LRCH3: variants seen among roughly 807,000 people sequenced by gnomAD.
The protein encoded by LRCH3 is DISP complex protein LRCH3.
In LRCH3, 68 loss-of-function variants were observed where a neutral mutation model predicts 104.5. The ratio of observed to expected loss-of-function variants is 0.65; its 90% CI spans 0.54 to 0.80. The LOEUF (loss-of-function observed/expected upper bound fraction) is 0.80. Ranked by LOEUF, LRCH3 falls within the 30% of genes least tolerant of loss-of-function variation. The pLI is 0.00. For missense variants in LRCH3, 951 were observed against 953.9 expected (o/e 1.00, Z 0.04); for synonymous variants, 344 against 361.3 (o/e 0.95, Z 0.54).
intron 9 of LRCH3, among the ~76,000 whole-genome samples, chr3:197,836,028 A>G (rs1423843394): frequency 6.6e-6 from 1 of 152,210 alleles, no homozygotes; most frequent in African/African-American, 2.4e-5. Flanking sequence ...TTATTTTTCA[A>G]ACAAGAAGAA....
intron 9 of LRCH3, among the ~76,000 whole-genome samples, chr3:197,838,945 G>A (rs757166917): frequency 2.0e-5 from 3 of 152,184 alleles, no homozygotes; most frequent in African/African-American, 4.8e-5. Context: ...CTGAGCAAAT[G>A]TTAGGGTAGG....
At chr3:197,855,162 AG>A (rs1169768388) in intron 14 of LRCH3, among the ~76,000 whole-genome samples, 6 of 152,230 alleles carry the variant, frequency 3.9e-5, no homozygotes, top group Non-Finnish European at 7.3e-5. Flanking sequence ...AACTGCTGCC[AG>A]GGTGCATCCT....
chr3:197,870,022 G>T, intron 17 of LRCH3, 138 bp from the exon 18 acceptor site: 1 of 796,998 alleles, frequency 1.3e-6, no homozygotes, highest in Admixed American at 2.3e-5. Context: ...CCTGCAGGAG[G>T]TAGAAAGCGA....
chr3:197,796,357 G>A (rs1361800237), intron 1 of LRCH3, among the ~76,000 whole-genome samples: 1 of 152,106 alleles, frequency 6.6e-6, no homozygotes, highest in African/African-American at 2.4e-5. Context: ...ACAAAAATGA[G>A]GCCTTACGAA....
chr3:197,883,863 G>A lies in LRCH3; in HGVS notation c.*197G>A, dbSNP rs1460302950. On this transcript the variant is annotated 3_prime_UTR_variant, in exon 21 of 21. Coordinates refer to ENST00000425562, the MANE Select transcript of LRCH3 (RefSeq NM_001365715.1). This position sits in a 1 kb window ranked among gnomAD's most constrained non-coding sequence, Gnocchi z 4.2. ...TTCCATTTCCATTGAATTTTTTTAC[G>A]AAGACACCATTGGTTTTCTCAGATG... The A allele has an allele frequency of 3.2e-5, 17 of 538,022 alleles. No individual in the cohort carries two copies. The highest frequency in any genetic ancestry group is 3.1e-4 in the East Asian group (9 of 29,192). 33.3% of individuals were successfully genotyped at this position (538,022 alleles called of 1,614,324 possible).
intron 11 of LRCH3, among the ~76,000 whole-genome samples, chr3:197,847,667 G>A (rs1423940597): frequency 2.7e-3 from 1 of 366 alleles, no homozygotes; most frequent in Non-Finnish European, 6.4e-3. Context: ...TGGCTTTATA[G>A]TATTAGTTTG....
rs80172979 is a variant in LRCH3, at chr3:197,868,309, G to A, written c.1874-1851G>A. Among the ~76,000 whole-genome samples, 1,372 of 148,378 alleles carry A rather than the reference G, an allele frequency of 9.2e-3. 14 individuals carry two copies. The highest frequency in any genetic ancestry group is 0.032 in the African/African-American group (1,230 of 38,098). On this transcript the variant is annotated intron_variant, in intron 17 of 20. Transcript: ENST00000425562. ...TAACAATTTATATAGCATTTACATT[G>A]TATTAAGTATTGTAAGTAACAGAGA...
intron 4 of LRCH3, 34 bp from the exon 5 acceptor site, chr3:197,826,844 A>G (rs1560547176): frequency 1.2e-6 from 2 of 1,613,336 alleles, no homozygotes; most frequent in Non-Finnish European, 1.7e-6. Flanking sequence ...GTAAAACATC[A>G]TTAATTGTTC....
chr3:197,817,328 A>ACGTGTGTGTGTGTATTTTGTGTGTGTGTG lies in LRCH3; in HGVS notation c.534+27_534+28insGTGTGTGTGTGTATTTTGTGTGTGTGTGC, dbSNP rs756463093. On this transcript the variant is annotated intron_variant, in intron 3 of 20. Transcript: ENST00000425562. ...GTAAGTTAATATTTTTGATTGTCCA[A>ACGTGTGTGTGTGTATTTTGTGTGTGTGTG]CATGTGTGTGTGTGTGTCTGTGTGT... 101 of 348,402 alleles carry ACGTGTGTGTGTGTATTTTGTGTGTGTGTG rather than the reference A, an allele frequency of 2.9e-4. 16 individuals are homozygous for ACGTGTGTGTGTGTATTTTGTGTGTGTGTG. The highest frequency in any genetic ancestry group is 3.3e-4 in the Non-Finnish European group (88 of 268,952). 21.6% of individuals were successfully genotyped at this position (348,402 alleles called of 1,614,324 possible). A position where few individuals can be genotyped will look rare whatever the true frequency, so the allele number is the denominator to read the frequency against.
chr3:197,842,554 T>G (rs1291321296), intron 10 of LRCH3, among the ~76,000 whole-genome samples: 5 of 152,130 alleles, frequency 3.3e-5, no homozygotes, highest in African/African-American at 1.2e-4. Flanking sequence ...AAGGAAAGCT[T>G]GCTTACCCGT....
chr3:197,816,497 C>T (rs1733818981), intron 2 of LRCH3, among the ~76,000 whole-genome samples: 1 of 152,190 alleles, frequency 6.6e-6, no homozygotes, highest in South Asian at 2.1e-4. Flanking sequence ...CCAGGCTGGT[C>T]TCGAACCCCT....
intron 10 of LRCH3, among the ~76,000 whole-genome samples, chr3:197,843,837 T>G (rs1738193714): frequency 1.3e-5 from 2 of 152,254 alleles, no homozygotes; most frequent in African/African-American, 4.8e-5. Context: ...GCTACTGTCA[T>G]TCATTCAAGC....
At chr3:197,872,112 A>G (rs980648426) in intron 19 of LRCH3, among the ~76,000 whole-genome samples, 1 of 152,070 alleles carries the variant, frequency 6.6e-6, no homozygotes, top group Non-Finnish European at 1.5e-5. Context: ...AATCTTTGCA[A>G]TTTGGGAGGC....
rs1276590873 is a variant in LRCH3 at position 197,852,493 on chromosome 3, A to C, written c.1531-68A>C. On this transcript the variant is annotated intron_variant, in intron 12 of 20. Coordinates refer to ENST00000425562, the MANE Select transcript of LRCH3 (RefSeq NM_001365715.1). ...TTTGAGTGATTATTTTAGTAAATAG[A>C]ATTTGTTATTTGCAGTGTTCCAGGC... 54 of 1,369,136 alleles carry C rather than the reference A, an allele frequency of 3.9e-5. No individual in the cohort carries two copies. The Admixed American group carries it at 1.0e-3, about 26-fold the overall frequency. 84.8% of individuals were successfully genotyped at this position (1,369,136 alleles called of 1,614,324 possible). A position where few individuals can be genotyped will look rare whatever the true frequency, so the allele number is the denominator to read the frequency against.
chr3:197,846,569 A>G (rs1306610733), intron 10 of LRCH3, among the ~76,000 whole-genome samples: 1 of 151,662 alleles, frequency 6.6e-6, no homozygotes, highest in Non-Finnish European at 1.5e-5. Context: ...AAAAAAAACA[A>G]AGACAGCTGG....
intron 7 of LRCH3, chr3:197,831,136 G>T: frequency 3.2e-6 from 1 of 316,474 alleles, no homozygotes; most frequent in Non-Finnish European, 6.0e-6. Flanking sequence ...AGTTGAAACT[G>T]AAGCCTACAA....
chr3:197,869,431 C>T (rs60106787), intron 17 of LRCH3, among the ~76,000 whole-genome samples: 8 of 112,828 alleles, frequency 7.1e-5, no homozygotes, highest in East Asian at 2.6e-4. Context: ...GGTAGAAAGC[C>T]GTGCACTGTA....
chr3:197,865,212 T>C (rs1364068446), intron 15 of LRCH3, among the ~76,000 whole-genome samples: 1 of 152,134 alleles, frequency 6.6e-6, no homozygotes, highest in Admixed American at 6.6e-5. Context: ...TGGTCTCAAC[T>C]CCTGCTCTCA....
Position 197,832,362 on chromosome 3 carries a change from A to G in LRCH3, c.1102+45A>G, listed in dbSNP as rs370426711. ...CAGCTAAAGTGTTTGCAACCATTTA[A>G]CTTTTTAAAGTTGTCTTTTTCATAC... On this transcript the variant is annotated intron_variant, in intron 8 of 20. Coordinates refer to ENST00000425562, the MANE Select transcript of LRCH3 (RefSeq NM_001365715.1). The G allele has an allele frequency of 4.7e-5, 75 of 1,591,546 alleles. No individual in the cohort carries two copies. The African/African-American group carries it at 6.2e-4, about 13-fold the overall frequency.
Sources: allele counts gnomAD v4.1 joint callset (sites outside exome capture counted in the v4.1 genomes callset), GRCh38; gene constraint gnomAD v4.1.1; non-coding constraint Gnocchi (gnomAD v3.1); transcripts MANE v1.5; gene names NCBI Gene and HGNC (gene_info 2026-07-23, HGNC 2026-07-21).